The following KIF14 variants were observed in gnomAD, a reference collection of about 807,000 sequenced individuals.
The protein encoded by KIF14 is kinesin-like protein KIF14.
Under a neutral mutation model 176.2 loss-of-function variants are expected in KIF14, and 98 were observed. The ratio of observed to expected loss-of-function variants is 0.56; its 90% CI spans 0.47 to 0.66. The LOEUF (loss-of-function observed/expected upper bound fraction) is 0.66. KIF14 is among the 30% of genes least tolerant of loss of function. KIF14 has a pLI of 0.00. For synonymous variants in KIF14, 566 were observed against 632.2 expected, an observed-to-expected ratio of 0.90 and a Z score of 1.57; for missense variants, 1,751 against 1,920.4, an observed-to-expected ratio of 0.91 and a Z score of 1.65.
intron 18 of KIF14, among the ~76,000 whole-genome samples, chr1:200,586,862 C>A (rs1658778896): frequency 6.7e-6 from 1 of 150,264 alleles, no homozygotes; most frequent in Non-Finnish European, 1.5e-5. Context: ...ATATCTTTTG[C>A]AGCAACTTGA....
chr1:200,599,154 G>T (rs1279391445), intron 13 of KIF14, among the ~76,000 whole-genome samples: 1 of 152,118 alleles, frequency 6.6e-6, no homozygotes, highest in East Asian at 1.9e-4. Flanking sequence ...TAATTCTCTC[G>T]AAAGGGTGCT....
At chr1:200,590,041 T>C (rs1244659250) in intron 17 of KIF14, 84 bp downstream of exon 17, 29 of 1,351,320 alleles carry the variant, frequency 2.1e-5, no homozygotes, top group Non-Finnish European at 2.7e-5. Flanking sequence ...AGTTCCCTTA[T>C]AGGGACATAA....
intron 15 of KIF14, among the ~76,000 whole-genome samples, chr1:200,592,973 A>C (rs1176100846): frequency 6.6e-6 from 1 of 152,220 alleles, no homozygotes; most frequent in African/African-American, 2.4e-5. Flanking sequence ...GACCACTGTT[A>C]CATATGTGGT....
chr1:200,596,190 G>A (rs1224404584), intron 14 of KIF14, among the ~76,000 whole-genome samples: 2 of 152,142 alleles, frequency 1.3e-5, no homozygotes, highest in African/African-American at 4.8e-5. Flanking sequence ...GGAGGTTGCA[G>A]TGAGCTGAGA....
At chr1:200,564,688 T>C (rs1188331637) in intron 25 of KIF14, among the ~76,000 whole-genome samples, 1 of 152,188 alleles carries the variant, frequency 6.6e-6, no homozygotes, top group Non-Finnish European at 1.5e-5. Context: ...TGGCAGAGCA[T>C]GAACTGGGCC....
rs774094693 is a variant in KIF14, at chr1:200,597,852, T to C, written c.2549+385A>G. On this transcript the variant is annotated intron_variant, in intron 14 of 29. Transcript: ENST00000367350. ...CATACGCTATCATTCCAACAATATATACAAGTATTCCATTCATATGAACAA... is the reference window on the plus strand; with the variant it reads ...CATACGCTATCATTCCAACAATATACACAAGTATTCCATTCATATGAACAA... Among the ~76,000 whole-genome samples the C allele has an allele frequency of 4.6e-5, 7 of 152,226 alleles. No homozygotes were observed. In the South Asian group the frequency reaches 6.2e-4, roughly 13 times the overall value.
chr1:200,607,298 C>T (rs1380286923), intron 5 of KIF14, among the ~76,000 whole-genome samples: 1 of 151,948 alleles, frequency 6.6e-6, no homozygotes, highest in Non-Finnish European at 1.5e-5. Context: ...TGCCACCACA[C>T]CAGCTAACTT....
rs981639844 is a variant in KIF14, at chr1:200,583,452, A to C, written c.3242-2158T>G. Among the ~76,000 whole-genome samples, 52 of 152,196 alleles carry C rather than the reference A, an allele frequency of 3.4e-4. 1 individual carries two copies. The highest frequency in any genetic ancestry group is 1.2e-3 in the African/African-American group (51 of 41,446). ...GATTTGCTTCAAACTAGTCCAGGGA[A>C]GCAGTGAGCTTGAGGATAGCGGCAA... On this transcript the variant is annotated intron_variant, in intron 19 of 29. Coordinates refer to ENST00000367350, the MANE Select transcript of KIF14 (RefSeq NM_014875.3).
chr1:200,587,536 C>T (rs762748480), intron 18 of KIF14, among the ~76,000 whole-genome samples: 20 of 152,108 alleles, frequency 1.3e-4, no homozygotes, highest in Non-Finnish European at 2.1e-4. Context: ...GTTTTGGGGC[C>T]GGGTGCGGTG....
intron 19 of KIF14, among the ~76,000 whole-genome samples, chr1:200,582,345 C>A (rs574281521): frequency 6.6e-6 from 1 of 151,920 alleles, no homozygotes; most frequent in African/African-American, 2.4e-5. Flanking sequence ...TGCACCCCAG[C>A]CTGTGTGACA....
At chr1:200,604,799 G>C in intron 8 of KIF14, among the ~76,000 whole-genome samples, 1 of 151,934 alleles carries the variant, frequency 6.6e-6, no homozygotes, top group East Asian at 1.9e-4. Context: ...GTTTAGAGGG[G>C]TTTATCTGAA....
At chr1:200,584,883 C>A (rs1265840347) in intron 19 of KIF14, among the ~76,000 whole-genome samples, 1 of 152,066 alleles carries the variant, frequency 6.6e-6, no homozygotes, top group African/African-American at 2.4e-5. Flanking sequence ...TAAAAGGTAT[C>A]CAAACTGAGA....
chr1:200,612,015 T>C (rs1660180652), intron 4 of KIF14, among the ~76,000 whole-genome samples: 1 of 152,132 alleles, frequency 6.6e-6, no homozygotes, highest in African/African-American at 2.4e-5. Flanking sequence ...TTTTTTTCTT[T>C]TTTTTGAGAC....
At position 200,553,272 on chromosome 1, in the gene KIF14, G is replaced by C; in HGVS notation, c.*116C>G. 2.8e-6 allele frequency: 3 copies of C among 1,084,950 alleles called. No homozygotes were observed. The highest frequency in any genetic ancestry group is 2.6e-6 in the Non-Finnish European group (2 of 768,218). 67.2% of individuals were successfully genotyped at this position (1,084,950 alleles called of 1,614,324 possible). A position where few individuals can be genotyped will look rare whatever the true frequency, so the allele number is the denominator to read the frequency against. On this transcript the variant is annotated 3_prime_UTR_variant, in exon 30 of 30. Transcript: ENST00000367350. ...GATATTTTAAAGATAAAAAGACATG[G>C]ACTTTTTTGAAATATCTGTGCTGAT...
Position 200,581,335 on chromosome 1 carries a change from G to A in KIF14, c.3242-41C>T, listed in dbSNP as rs368422762. Reference sequence around the variant, plus strand: ...CAGAAAAGATTCAAAATACATACATGGACACTAACATATACCATTAGGCAA... The same window carrying A: ...CAGAAAAGATTCAAAATACATACATAGACACTAACATATACCATTAGGCAA... On this transcript the variant is annotated intron_variant, in intron 19 of 29. Coordinates refer to ENST00000367350, the MANE Select transcript of KIF14 (RefSeq NM_014875.3). 9.5e-6 allele frequency: 11 copies of A among 1,154,516 alleles called. No individual in the cohort carries two copies. The African/African-American group carries it at 1.3e-4, about 13-fold the overall frequency. The allele number at this position is 1,154,516 out of a possible 1,614,324, so 71.5% of individuals were successfully genotyped here. A position where few individuals can be genotyped will look rare whatever the true frequency, so the allele number is the denominator to read the frequency against.
At position 200,608,896 on chromosome 1, in the gene KIF14, T is replaced by C. The variant is rs1401456681; in HGVS notation, c.1488A>G (p.Glu496=). Residue 496 remains glutamate, a synonymous_variant, in exon 5 of 30, where the codon GAA becomes GAG. Coordinates refer to ENST00000367350, the MANE Select transcript of KIF14 (RefSeq NM_014875.3). ...GGTCGTGAATTTTTTCATTATATAC[T>C]TCAAAGAAGCTCATTTCAATGTGAT... ...VSYHIEMSFF[E]VYNEKIHDLL... The C allele has an allele frequency of 5.0e-6, 8 of 1,608,340 alleles. No homozygotes were observed. The highest frequency in any genetic ancestry group is 6.8e-6 in the Non-Finnish European group (8 of 1,175,350).
intron 14 of KIF14, among the ~76,000 whole-genome samples, chr1:200,596,728 C>G (rs1659362364): frequency 6.6e-6 from 1 of 151,378 alleles, no homozygotes; most frequent in Non-Finnish European, 1.5e-5. Context: ...CCATGCCGGG[C>G]TAATTTTTGT....
At chr1:200,607,804 G>A (rs1256477333) in intron 5 of KIF14, among the ~76,000 whole-genome samples, 28 of 152,048 alleles carry the variant, frequency 1.8e-4, no homozygotes, top group South Asian at 4.1e-4. Flanking sequence ...GGGTTCAAGC[G>A]ATTCTCCTGC....
chr1:200,553,158 G>A lies in KIF14; in HGVS notation c.*230C>T, dbSNP rs924670535. On this transcript the variant is annotated 3_prime_UTR_variant, in exon 30 of 30. Transcript: ENST00000367350. ...GGGGTTTCGCCATGTTGGCCAGGCC[G>A]GTCTCAAACTCCTGACCTTGTGATC... 2.1e-5 allele frequency: 6 copies of A among 292,506 alleles called. No individual in the cohort carries two copies. The highest frequency in any genetic ancestry group is 9.6e-5 in the South Asian group (1 of 10,382). The allele number at this position is 292,506 out of a possible 1,614,324, so 18.1% of individuals were successfully genotyped here. A position where few individuals can be genotyped will look rare whatever the true frequency, so the allele number is the denominator to read the frequency against.
Sources: allele counts gnomAD v4.1 joint callset (sites outside exome capture counted in the v4.1 genomes callset), GRCh38; gene constraint gnomAD v4.1.1; transcripts MANE v1.5; gene names NCBI Gene and HGNC (gene_info 2026-07-23, HGNC 2026-07-21).